EPS15L1: variants seen among roughly 807,000 people sequenced by gnomAD.
EPS15L1 encodes the protein epidermal growth factor receptor pathway substrate 15 like 1.
A neutral mutation model predicts 117.1 loss-of-function variants in EPS15L1; 43 were observed. The ratio of observed to expected loss-of-function variants is 0.37; its 90% CI spans 0.29 to 0.47. The LOEUF (loss-of-function observed/expected upper bound fraction) is 0.47. EPS15L1 is among the 20% of genes least tolerant of loss of function. The probability of loss-of-function intolerance (pLI) is 0.99; values close to 1 mark genes in which losing one functional copy is unlikely to be tolerated. For synonymous variants in EPS15L1, 459 were observed against 470.5 expected, an observed-to-expected ratio of 0.98 and a Z score of 0.32; for missense variants, 981 against 1,164.0, an observed-to-expected ratio of 0.84 and a Z score of 2.29.
chr19:16,401,426 C>T (rs1826645261), intron 16 of EPS15L1: 2 of 985,402 alleles, frequency 2.0e-6, no homozygotes, highest in Non-Finnish European at 1.2e-6. Flanking sequence ...CGTACAGAGG[C>T]CCAGGAGCAG....
rs2093201490 is a variant in EPS15L1 at position 16,456,803 on chromosome 19, T to C, written c.34-14584A>G. Among the ~76,000 whole-genome samples, 5 of 152,236 alleles carry C rather than the reference T, an allele frequency of 3.3e-5. No homozygotes were observed. The South Asian group carries it at 1.0e-3, about 32-fold the overall frequency. On this transcript the variant is annotated intron_variant, in intron 1 of 23. Transcript: ENST00000455140. Reference sequence around the variant, plus strand: ...AGGCACAGTGAGGGGAACTCAGGGCTTGGGGCCAGGTGTGCACCGGGACAG... The same window carrying C: ...AGGCACAGTGAGGGGAACTCAGGGCCTGGGGCCAGGTGTGCACCGGGACAG...
intron 1 of EPS15L1, among the ~76,000 whole-genome samples, chr19:16,459,972 T>C (rs1199382070): frequency 6.6e-6 from 1 of 152,174 alleles, no homozygotes; most frequent in Non-Finnish European, 1.5e-5. Context: ...GCTCCCAACA[T>C]CTAGGATAGA....
intron 1 of EPS15L1, among the ~76,000 whole-genome samples, chr19:16,466,036 T>G (rs2145202712): frequency 6.7e-6 from 1 of 149,962 alleles, no homozygotes; most frequent in African/African-American, 2.5e-5. Context: ...TCACCCAGGC[T>G]GGAGTACAGT....
chr19:16,407,606 G>A (rs2092669001), intron 13 of EPS15L1, among the ~76,000 whole-genome samples: 1 of 152,184 alleles, frequency 6.6e-6, no homozygotes, highest in South Asian at 2.1e-4. Flanking sequence ...GATTATAGGT[G>A]TGAGCCACCA....
At chr19:16,437,450 G>C (rs1158608462) in intron 5 of EPS15L1, among the ~76,000 whole-genome samples, 4 of 152,176 alleles carry the variant, frequency 2.6e-5, no homozygotes, top group Non-Finnish European at 4.4e-5. Flanking sequence ...TCCATTGACA[G>C]AAATAAAATT....
At chr19:16,452,393 C>A (rs2093154035) in intron 1 of EPS15L1, among the ~76,000 whole-genome samples, 1 of 151,128 alleles carries the variant, frequency 6.6e-6, no homozygotes, top group African/African-American at 2.4e-5. Context: ...TTGCAGCGAG[C>A]TGAGATTATG....
rs1038932160 is a variant in EPS15L1, at chr19:16,403,835, C to T, written c.1524G>A (p.Leu508=). ...GCTCCAGCTGGGTTTCCTCCTGCTG[C>T]AATCGGTTCAGCTCCGACTTGGCTC... ...LNRAKSELNR[L]QQEETQLEQS... Residue 508 remains leucine, a synonymous_variant, in exon 15 of 24, where the codon TTG becomes TTA. Transcript: ENST00000455140. The T allele has an allele frequency of 6.2e-7, 1 of 1,614,124 alleles. No homozygotes were observed. Among genetic ancestry groups the T allele is most frequent in the African/African-American group, 1.3e-5 (1 of 75,042 alleles).
chr19:16,470,317 G>T (rs990284286), intron 1 of EPS15L1, among the ~76,000 whole-genome samples: 2 of 152,020 alleles, frequency 1.3e-5, no homozygotes, highest in Non-Finnish European at 1.5e-5. Flanking sequence ...AACTCGGGAG[G>T]CGGAGGTTAC....
At chr19:16,450,895 C>T (rs1177501197) in intron 1 of EPS15L1, among the ~76,000 whole-genome samples, 1 of 152,120 alleles carries the variant, frequency 6.6e-6, no homozygotes, top group Non-Finnish European at 1.5e-5. Flanking sequence ...ATCCCAGATG[C>T]AATACTGTAC....
chr19:16,373,098 T>C (rs772440851), intron 22 of EPS15L1, among the ~76,000 whole-genome samples: 3 of 152,224 alleles, frequency 2.0e-5, no homozygotes, highest in Admixed American at 1.3e-4. Flanking sequence ...TGTTCCTTCA[T>C]TGTGATTTCC....
intron 1 of EPS15L1, among the ~76,000 whole-genome samples, chr19:16,469,552 G>C (rs1050280845): frequency 6.6e-6 from 1 of 152,214 alleles, no homozygotes; most frequent in African/African-American, 2.4e-5. Flanking sequence ...TAAAGAGGCA[G>C]AGGTGCAGAC....
At position 16,371,586 on chromosome 19, in the gene EPS15L1, A is replaced by G. The variant is rs1018470537; in HGVS notation, c.2380+5536T>C. On this transcript the variant is annotated intron_variant, in intron 22 of 23. Transcript: ENST00000455140. This position sits in a 1 kb window ranked among gnomAD's most constrained non-coding sequence, Gnocchi z 4.7. Reference sequence around the variant, plus strand: ...TTAAATTGGGGAGAGGTTAAAGGTGACTGGCTGGTTAGCGGTAGAACTGCG... The same window carrying G: ...TTAAATTGGGGAGAGGTTAAAGGTGGCTGGCTGGTTAGCGGTAGAACTGCG... 6.6e-6 allele frequency among the ~76,000 whole-genome samples: 1 copy of G among 152,132 alleles called. No individual in the cohort carries two copies. The highest frequency in any genetic ancestry group is 1.5e-5 in the Non-Finnish European group (1 of 68,022).
At position 16,471,878 on chromosome 19, in the gene EPS15L1, CCCCGGCGCCGCCCCCAGGCCCG is replaced by C; in HGVS notation, c.33+13_33+34del. Reference sequence around the variant, plus strand: ...CGCACCGCTCGCCTCGCGCCCCGCACCCCGGCGCCGCCCCCAGGCCCGCCCGGCCCGTACCTGCTGGGAGAGG... The same window carrying C: ...CGCACCGCTCGCCTCGCGCCCCGCACCCCGGCCCGTACCTGCTGGGAGAGG... On this transcript the variant is annotated intron_variant, in intron 1 of 23. Coordinates refer to ENST00000455140, the MANE Select transcript of EPS15L1 (RefSeq NM_001258374.3). The surrounding 1 kb of genome is among the most constrained non-coding windows in gnomAD (Gnocchi z 4.8). The C allele has an allele frequency of 1.6e-6, 2 of 1,265,108 alleles. No homozygotes were observed. Among genetic ancestry groups the C allele is most frequent in the Non-Finnish European group, 2.0e-6 (2 of 989,150 alleles). 78.4% of individuals were successfully genotyped at this position (1,265,108 alleles called of 1,614,324 possible).
chr19:16,442,403 T>C (rs1207221466), intron 1 of EPS15L1, among the ~76,000 whole-genome samples, 184 bp from the exon 2 acceptor site: 1 of 152,226 alleles, frequency 6.6e-6, no homozygotes, highest in Non-Finnish European at 1.5e-5. Flanking sequence ...TTATTATGCT[T>C]ACCTGATTTA....
intron 1 of EPS15L1, 58 bp from the exon 2 acceptor site, chr19:16,442,277 AG>A (rs1219911809): frequency 6.0e-6 from 9 of 1,492,780 alleles, no homozygotes; most frequent in Non-Finnish European, 8.4e-6. Flanking sequence ...GGGGAAAAAA[AG>A]GGTTGCCCCC....
At position 16,471,690 on chromosome 19, in the gene EPS15L1, C is replaced by T. The variant is rs1029627056; in HGVS notation, c.33+223G>A. 6.6e-6 allele frequency among the ~76,000 whole-genome samples: 1 copy of T among 151,982 alleles called. No individual in the cohort carries two copies. Among genetic ancestry groups the T allele is most frequent in the African/African-American group, 2.4e-5 (1 of 41,438 alleles). Reference sequence around the variant, plus strand: ...GGGCGGAGAGGACACGCGCTGCGCACCTCCTCGCCTCGCCGGTGCCCGCGA... The same window carrying T: ...GGGCGGAGAGGACACGCGCTGCGCATCTCCTCGCCTCGCCGGTGCCCGCGA... On this transcript the variant is annotated intron_variant, in intron 1 of 23. Coordinates refer to ENST00000455140, the MANE Select transcript of EPS15L1 (RefSeq NM_001258374.3). This position sits in a 1 kb window ranked among gnomAD's most constrained non-coding sequence, Gnocchi z 4.8.
rs1342370365 is a variant in EPS15L1 at position 16,471,882 on chromosome 19, G to A, written c.33+31C>T. On this transcript the variant is annotated intron_variant, in intron 1 of 23. Transcript: ENST00000455140. This position sits in a 1 kb window ranked among gnomAD's most constrained non-coding sequence, Gnocchi z 4.8. ...CCGCTCGCCTCGCGCCCCGCACCCC[G>A]GCGCCGCCCCCAGGCCCGCCCGGCC... 7.9e-7 allele frequency: 1 copy of A among 1,271,258 alleles called. No individual in the cohort carries two copies. Among genetic ancestry groups the A allele is most frequent in the South Asian group, 2.1e-5 (1 of 46,768 alleles). 78.7% of individuals were successfully genotyped at this position (1,271,258 alleles called of 1,614,324 possible). A position where few individuals can be genotyped will look rare whatever the true frequency, so the allele number is the denominator to read the frequency against.
Position 16,381,337 on chromosome 19 carries a change from G to T in EPS15L1, c.2247+3792C>A, listed in dbSNP as rs882306. ...GGCTGCCACATCGTCTGCCTCCCAG[G>T]CTGGGGCCACCAGACGCTGCCCTCA... On this transcript the variant is annotated intron_variant, in intron 21 of 23. Transcript: ENST00000455140. This position sits in a 1 kb window ranked among gnomAD's most constrained non-coding sequence, Gnocchi z 4.2. Among the ~76,000 whole-genome samples, 11 of 152,180 alleles carry T rather than the reference G, an allele frequency of 7.2e-5. No individual in the cohort carries two copies. Among genetic ancestry groups the T allele is most frequent in the African/African-American group, 2.7e-4 (11 of 41,432 alleles).
At chr19:16,382,085 G>A (rs963528711) in intron 21 of EPS15L1, among the ~76,000 whole-genome samples, 14 of 152,194 alleles carry the variant, frequency 9.2e-5, no homozygotes, top group Admixed American at 2.6e-4. Context: ...AATCAGAGCC[G>A]CCTAACCCTC....
Sources: gnomAD v4.1 joint callset for allele counts (sites outside exome capture counted in the v4.1 genomes callset) on GRCh38, gnomAD v4.1.1 for gene constraint, Gnocchi (gnomAD v3.1) non-coding constraint, MANE v1.5 for transcripts, NCBI Gene and HGNC (gene_info 2026-07-23, HGNC 2026-07-21) for gene names.